Variants in ARHGEF28 observed in about 807,000 individuals in gnomAD.
ARHGEF28 encodes the protein 190 kDa guanine nucleotide exchange factor.
Under a neutral mutation model 206.6 loss-of-function variants are expected in ARHGEF28, and 152 were observed. That is an observed-to-expected ratio of 0.74 (90% confidence interval 0.64 to 0.84). ARHGEF28 has a LOEUF of 0.84. Among genes scored for constraint, ARHGEF28 ranks in the 40% least tolerant of loss-of-function variants. The pLI, the probability that ARHGEF28 is intolerant of heterozygous loss-of-function variation, is 0.00. For missense variants in ARHGEF28, 2,028 were observed against 2,073.2 expected (o/e 0.98, Z 0.42); for synonymous variants, 763 against 776.4 (o/e 0.98, Z 0.29).
chr5:73,815,409 T>TA (rs1173028579), intron 9 of ARHGEF28, among the ~76,000 whole-genome samples: 4 of 152,134 alleles, frequency 2.6e-5, no homozygotes, highest in Non-Finnish European at 4.4e-5. Flanking sequence ...GAATAGTAAA[T>TA]AAAAAACCAT....
chr5:73,914,442 G>A (rs1009893662), intron 35 of ARHGEF28, among the ~76,000 whole-genome samples: 4 of 148,156 alleles, frequency 2.7e-5, no homozygotes, highest in African/African-American at 1.0e-4. Flanking sequence ...TGTCGCCCAG[G>A]CTGGAGTGCA....
At chr5:73,830,359 C>G (rs1757215532) in intron 9 of ARHGEF28, among the ~76,000 whole-genome samples, 1 of 151,962 alleles carries the variant, frequency 6.6e-6, no homozygotes, top group Non-Finnish European at 1.5e-5. Flanking sequence ...CGAGACCATC[C>G]TGGCTAACAC....
intron 4 of ARHGEF28, among the ~76,000 whole-genome samples, chr5:73,762,480 A>AAAC (rs1561386262): frequency 6.6e-6 from 1 of 150,778 alleles, no homozygotes; most frequent in African/African-American, 2.5e-5. Context: ...AAAAAACAAA[A>AAAC]CAACAACAAC....
intron 9 of ARHGEF28, among the ~76,000 whole-genome samples, chr5:73,827,359 G>T (rs1336188413): frequency 6.6e-6 from 1 of 152,114 alleles, no homozygotes; most frequent in Non-Finnish European, 1.5e-5. Flanking sequence ...TTTTTAAAAA[G>T]AATCAGAACT....
At chr5:73,875,400 C>T (rs1303490306) in intron 22 of ARHGEF28, among the ~76,000 whole-genome samples, 13 of 150,658 alleles carry the variant, frequency 8.6e-5, no homozygotes, top group Admixed American at 3.3e-4. Flanking sequence ...GTTTCTTTTG[C>T]TGTGCGGAAG....
chr5:73,881,706 T>G (rs574389432), intron 22 of ARHGEF28, among the ~76,000 whole-genome samples: 1 of 152,350 alleles, frequency 6.6e-6, no homozygotes, highest in East Asian at 1.9e-4. Context: ...GACGTGTGCA[T>G]GTAAGGCCAT....
At chr5:73,840,788 T>G (rs772122374) in intron 11 of ARHGEF28, 28 bp downstream of exon 11, 1 of 1,581,914 alleles carries the variant, frequency 6.3e-7, no homozygotes, top group Admixed American at 1.8e-5. Flanking sequence ...AGAGGAAAAC[T>G]GTAGAACATC....
At chr5:73,922,745 C>A (rs151047660) in intron 35 of ARHGEF28, among the ~76,000 whole-genome samples, 145 of 152,112 alleles carry the variant, frequency 9.5e-4, no homozygotes, top group African/African-American at 3.2e-3. Context: ...AAAACTGAAC[C>A]CTCTTTAAAG....
intron 1 of ARHGEF28, among the ~76,000 whole-genome samples, chr5:73,659,632 A>G (rs949604113): frequency 6.6e-6 from 1 of 152,176 alleles, no homozygotes; most frequent in Non-Finnish European, 1.5e-5. Context: ...AATGTGATGA[A>G]AAAGTACTGA....
At chr5:73,776,913 T>C (rs1561396553) in intron 6 of ARHGEF28, among the ~76,000 whole-genome samples, 1 of 152,182 alleles carries the variant, frequency 6.6e-6, no homozygotes, top group African/African-American at 2.4e-5. Flanking sequence ...TCTGAGCCAG[T>C]CTTTTCCATA....
intron 9 of ARHGEF28, among the ~76,000 whole-genome samples, chr5:73,806,331 GTA>G (rs1184163018): frequency 1.6e-5 from 2 of 126,038 alleles, no homozygotes; most frequent in Non-Finnish European, 1.6e-5. Context: ...ACTCTATAGA[GTA>G]TATATATACT....
At chr5:73,904,140 A>G (rs1203128672) in intron 31 of ARHGEF28, 82 bp from the exon 32 acceptor site, 7 of 1,360,230 alleles carry the variant, frequency 5.1e-6, no homozygotes, top group Non-Finnish European at 5.2e-6. Context: ...GATTTACCCA[A>G]GGTCATACAT....
intron 1 of ARHGEF28, among the ~76,000 whole-genome samples, chr5:73,644,786 G>A (rs1325954367): frequency 2.1e-4 from 32 of 152,202 alleles, no homozygotes; most frequent in Non-Finnish European, 1.5e-5. Context: ...CCTGGGCACT[G>A]AGACCAGTTG....
rs188415301 is a variant in ARHGEF28 at position 73,669,281 on chromosome 5, A to G, written c.-11-15560A>G. Among the ~76,000 whole-genome samples, 230 of 152,344 alleles carry G rather than the reference A, an allele frequency of 1.5e-3. 1 individual carries two copies. The highest frequency in any genetic ancestry group is 5.4e-3 in the African/African-American group (223 of 41,576). ...GGAAAATGTAAATAATAATACTAAAAAAGAAAACACCACCTATAGTAGCCA... is the reference window on the plus strand; with the variant it reads ...GGAAAATGTAAATAATAATACTAAAGAAGAAAACACCACCTATAGTAGCCA... On this transcript the variant is annotated intron_variant, in intron 1 of 35. Transcript: ENST00000513042.
At chr5:73,937,822 A>C (rs899060903) in intron 35 of ARHGEF28, among the ~76,000 whole-genome samples, 1 of 152,140 alleles carries the variant, frequency 6.6e-6, no homozygotes, top group African/African-American at 2.4e-5. Flanking sequence ...AAAAGTGTGG[A>C]AAAAGGTGGC....
At chr5:73,926,303 T>C (rs1258029182) in intron 35 of ARHGEF28, among the ~76,000 whole-genome samples, 5 of 152,172 alleles carry the variant, frequency 3.3e-5, no homozygotes, top group African/African-American at 1.2e-4. Flanking sequence ...GAGACATAGC[T>C]TCCTTCTTAC....
At chr5:73,756,384 A>G (rs1286853337) in intron 4 of ARHGEF28, among the ~76,000 whole-genome samples, 1 of 152,232 alleles carries the variant, frequency 6.6e-6, no homozygotes, top group Non-Finnish European at 1.5e-5. Context: ...CAATTCTTTG[A>G]AAATTTCTAG....
intron 35 of ARHGEF28, among the ~76,000 whole-genome samples, chr5:73,936,969 T>C (rs577417480): frequency 2.6e-5 from 4 of 152,284 alleles, no homozygotes; most frequent in Admixed American, 2.6e-4. Context: ...AAAAGAATGA[T>C]GATAATGGTG....
chr5:73,864,431 C>T (rs1407792536), intron 16 of ARHGEF28, among the ~76,000 whole-genome samples: 2 of 152,078 alleles, frequency 1.3e-5, no homozygotes, highest in African/African-American at 4.8e-5. Context: ...AGGCATTTTA[C>T]CCAGTGTGGG....
Sources: allele counts gnomAD v4.1 joint callset (sites outside exome capture counted in the v4.1 genomes callset), GRCh38; gene constraint gnomAD v4.1.1; transcripts MANE v1.5; gene names NCBI Gene and HGNC (gene_info 2026-07-23, HGNC 2026-07-21).